CSMD1: variants seen among roughly 807,000 people sequenced by gnomAD.
The protein encoded by CSMD1 is CUB and Sushi multiple domains 1.
Under a neutral mutation model 417.5 loss-of-function variants are expected in CSMD1, and 213 were observed. The observed-to-expected ratio is 0.51, with a 90% CI of 0.46 to 0.57. The LOEUF is 0.57. CSMD1 is among the 20% of genes least tolerant of loss of function. CSMD1 has a pLI of 0.00. For missense variants in CSMD1, 6,923 were observed against 4,529.7 expected (o/e 1.53, Z -15.17); for synonymous variants, 2,862 against 1,736.8 (o/e 1.65, Z -16.11).
intron 2 of CSMD1, among the ~76,000 whole-genome samples, chr8:4,447,287 G>A (rs1585091008): frequency 1.3e-5 from 2 of 152,246 alleles, no homozygotes; most frequent in South Asian, 2.1e-4. Context: ...ATCAAAGTCT[G>A]AGGCAGACCG....
chr8:3,688,103 T>G (rs1032241154), intron 7 of CSMD1, among the ~76,000 whole-genome samples: 1 of 152,242 alleles, frequency 6.6e-6, no homozygotes, highest in Non-Finnish European at 1.5e-5. Context: ...CAATGACCAC[T>G]TAGTGTGCTT....
chr8:3,893,510 T>G (rs959288071), intron 5 of CSMD1, among the ~76,000 whole-genome samples: 9 of 151,784 alleles, frequency 5.9e-5, no homozygotes, highest in African/African-American at 2.2e-4. Context: ...ACAATTTTTG[T>G]TTTACAAATT....
At chr8:4,411,086 C>G (rs934239797) in intron 3 of CSMD1, among the ~76,000 whole-genome samples, 14 of 152,042 alleles carry the variant, frequency 9.2e-5, no homozygotes, top group Non-Finnish European at 2.1e-4. Context: ...AACCCAAGGC[C>G]CCCTCCACGT....
intron 11 of CSMD1, among the ~76,000 whole-genome samples, chr8:3,474,954 C>T (rs760745075): frequency 1.3e-5 from 2 of 152,196 alleles, no homozygotes; most frequent in Non-Finnish European, 2.9e-5. Flanking sequence ...ATTGTAGCTG[C>T]CTGCCTTTTT....
At chr8:4,337,138 T>G (rs1262033942) in intron 3 of CSMD1, among the ~76,000 whole-genome samples, 10 of 152,138 alleles carry the variant, frequency 6.6e-5, no homozygotes, top group Admixed American at 4.6e-4. Flanking sequence ...TGGGATCTTC[T>G]GCCCCCACCT....
intron 1 of CSMD1, among the ~76,000 whole-genome samples, chr8:4,727,707 G>A (rs1220385827): frequency 6.6e-6 from 1 of 151,930 alleles, no homozygotes; most frequent in African/African-American, 2.4e-5. Context: ...AAATTCCTGT[G>A]TTCTGCCAGT....
chr8:3,568,887 A>C (rs944610230), intron 10 of CSMD1, among the ~76,000 whole-genome samples: 7 of 152,134 alleles, frequency 4.6e-5, no homozygotes, highest in African/African-American at 1.4e-4. Context: ...TGATACATTT[A>C]AACTTTCCAA....
Position 3,406,074 on chromosome 8 carries a change from A to C in CSMD1, c.2219T>G (p.Leu740Arg), listed in dbSNP as rs1812325202. ...TQGSESITCI[L>R]QDGNVVWSST... ...GCTCCAGACCACGTTCCCGTCTTGC[A>C]GTATGCAGGTAATGGACTCGGATCC... The change falls in exon 15 of 70, where the codon CTG becomes CGG. Residue 740 changes from leucine to arginine, a missense_variant. Transcript: ENST00000635120. 6.2e-7 allele frequency: 1 copy of C among 1,613,866 alleles called. No individual in the cohort carries two copies. Among genetic ancestry groups the C allele is most frequent in the African/African-American group, 1.3e-5 (1 of 74,920 alleles).
chr8:4,918,163 T>G (rs545881870), intron 1 of CSMD1, among the ~76,000 whole-genome samples: 23 of 152,350 alleles, frequency 1.5e-4, no homozygotes, highest in African/African-American at 5.5e-4. Context: ...GAATCCCGTG[T>G]TGGTGTTGGT....
intron 3 of CSMD1, among the ~76,000 whole-genome samples, chr8:4,124,846 C>A (rs946639265): frequency 6.6e-6 from 1 of 151,858 alleles, no homozygotes; most frequent in African/African-American, 2.4e-5. Flanking sequence ...CAAGCAGATA[C>A]AAAATAAACT....
intron 17 of CSMD1, among the ~76,000 whole-genome samples, chr8:3,387,981 G>A (rs1282813377): frequency 6.6e-6 from 1 of 152,106 alleles, no homozygotes; most frequent in African/African-American, 2.4e-5. Context: ...TCAATGAATT[G>A]CACTAAATAA....
At chr8:2,940,752 C>A (rs186765545) in intron 69 of CSMD1, among the ~76,000 whole-genome samples, 11 of 152,196 alleles carry the variant, frequency 7.2e-5, no homozygotes, top group Admixed American at 2.6e-4. Flanking sequence ...ACAAGACAAT[C>A]CCAGTCTTAT....
chr8:3,344,506 A>C (rs974821803), intron 22 of CSMD1, among the ~76,000 whole-genome samples: 3 of 152,188 alleles, frequency 2.0e-5, no homozygotes, highest in Admixed American at 2.0e-4. Context: ...CCTCGCTCCC[A>C]ATAACAACAG....
rs79876565 is a variant in CSMD1, at chr8:3,448,079, T to C, written c.1561+20633A>G. Among the ~76,000 whole-genome samples the C allele has an allele frequency of 1.0e-3, 155 of 151,750 alleles. 3 individuals carry two copies. The East Asian group carries it at 0.028, about 28-fold the overall frequency. On this transcript the variant is annotated intron_variant, in intron 12 of 69. Transcript: ENST00000635120. ...CACAGGATTTCTAATAACAGAGATA[T>C]AATCCTAAAAATAAGATAGAAGGGT...
At chr8:3,764,854 C>G (rs916122803) in intron 5 of CSMD1, among the ~76,000 whole-genome samples, 2 of 150,432 alleles carry the variant, frequency 1.3e-5, no homozygotes, top group Non-Finnish European at 1.5e-5. Flanking sequence ...TCAAGGGATT[C>G]TCATGCCTCA....
intron 2 of CSMD1, among the ~76,000 whole-genome samples, chr8:4,557,549 G>A (rs9657399): frequency 0.017 from 2,605 of 151,984 alleles, 35 homozygotes; most frequent in Non-Finnish European, 0.026. Flanking sequence ...ACGTGAGAAT[G>A]AAGGCAGAAA....
chr8:3,413,494 A>T (rs1285280209), intron 12 of CSMD1, among the ~76,000 whole-genome samples: 1 of 152,172 alleles, frequency 6.6e-6, no homozygotes, highest in African/African-American at 2.4e-5. Flanking sequence ...GGGGTTGACA[A>T]GTAACTGTCA....
chr8:4,744,385 C>T (rs1220062093), intron 1 of CSMD1, among the ~76,000 whole-genome samples: 1 of 152,178 alleles, frequency 6.6e-6, no homozygotes, highest in Admixed American at 6.5e-5. Context: ...TGTCTCTTCT[C>T]CAACCTCTCA....
chr8:3,767,993 T>A (rs564278115), intron 5 of CSMD1, among the ~76,000 whole-genome samples: 1 of 152,338 alleles, frequency 6.6e-6, no homozygotes, highest in Non-Finnish European at 1.5e-5. Context: ...TTCATATGTC[T>A]TTGCAGTTCC....
Sources: gnomAD v4.1 joint callset for allele counts (sites outside exome capture counted in the v4.1 genomes callset) on GRCh38, gnomAD v4.1.1 for gene constraint, MANE v1.5 for transcripts, NCBI Gene and HGNC (gene_info 2026-07-23, HGNC 2026-07-21) for gene names.